GLOD4: variants seen among roughly 807,000 people sequenced by gnomAD.
The protein encoded by GLOD4 is glyoxalase domain-containing protein 4.
In GLOD4, 44 loss-of-function variants were observed where a neutral mutation model predicts 39.1. The observed-to-expected ratio is 1.13, with a 90% CI of 0.88 to 1.45. The LOEUF (loss-of-function observed/expected upper bound fraction) is 1.45, where lower values mean the gene tolerates loss of function less well. GLOD4 is among the 40% of genes most tolerant of loss of function. The pLI is 0.00. For synonymous variants in GLOD4, 145 were observed against 135.0 expected, an observed-to-expected ratio of 1.07 and a Z score of -0.52; for missense variants, 405 against 366.4, an observed-to-expected ratio of 1.11 and a Z score of -0.86.
chr17:778,685 G>C lies in GLOD4; in HGVS notation c.140+10C>G, dbSNP rs1304600234. 1.3e-6 allele frequency: 2 copies of C among 1,497,732 alleles called. No homozygotes were observed. The highest frequency in any genetic ancestry group is 1.4e-5 in the African/African-American group (1 of 72,772). 92.8% of individuals were successfully genotyped at this position (1,497,732 alleles called of 1,614,324 possible). ...GCCTAAAGGAGATTTTAAGAAACAA[G>C]GTATCATACCCATTACAGGCAGCTT... On this transcript the variant is annotated intron_variant, in intron 2 of 8. Transcript: ENST00000301329.
At position 771,384 on chromosome 17, in the gene GLOD4, T is replaced by G; in HGVS notation, c.484A>C (p.Lys162Gln). 3.1e-6 allele frequency: 5 copies of G among 1,597,852 alleles called. No homozygotes were observed. Among genetic ancestry groups the G allele is most frequent in the Non-Finnish European group, 4.3e-6 (5 of 1,166,544 alleles). ...TTTTCTTCATCTTTTTCATAAATTTTCATTCCCAGTAGATTACACCAGTAG... is the reference window on the plus strand; with the variant it reads ...TTTTCTTCATCTTTTTCATAAATTTGCATTCCCAGTAGATTACACCAGTAG... ...LNYWCNLLGM[K>Q]IYEKDEEKQR... is the part of the protein sequence containing the mutation. Residue 162 changes from lysine (K) to glutamine (Q), a missense_variant, in exon 5 of 9, where the codon AAA (lysine) becomes CAA (glutamine). By Grantham distance (53) the Lys-to-Gln change is moderately conservative. Coordinates refer to ENST00000301329, the MANE Select transcript of GLOD4 (RefSeq NM_016080.4).
chr17:777,091 C>A, intron 2 of GLOD4, 103 bp from the exon 3 acceptor site: 1 of 1,104,662 alleles, frequency 9.1e-7, no homozygotes, highest in Admixed American at 1.8e-5. Context: ...CCTGTCTGGT[C>A]CTAAAAGTTC....
rs150198646 is a variant in GLOD4 at position 781,553 on chromosome 17, C to T, written c.90+613G>A. Reference sequence around the variant, plus strand: ...AACCGCGCTCTTGCACCTTTCAAGTCTTCCTTAGTGGTGTGTTCCCTACCT... The same window carrying T: ...AACCGCGCTCTTGCACCTTTCAAGTTTTCCTTAGTGGTGTGTTCCCTACCT... On this transcript the variant is annotated intron_variant, in intron 1 of 8. Coordinates refer to ENST00000301329, the MANE Select transcript of GLOD4 (RefSeq NM_016080.4). Among the ~76,000 whole-genome samples the T allele has an allele frequency of 2.6e-3, 396 of 152,294 alleles. 1 individual carries two copies. Among genetic ancestry groups the T allele is most frequent in the African/African-American group, 9.0e-3 (375 of 41,562 alleles).
At chr17:782,967 C>A, upstream of GLOD4, 1 of 1,415,034 alleles carries the variant, frequency 7.1e-7, no homozygotes, top group South Asian at 1.4e-5. Flanking sequence ...GGATTACAGG[C>A]GTGAGCCACC....
In GLOD4 at chr17:782,278, C is replaced by T. The variant is rs759658342; in HGVS notation, c.-23G>A. ...CATGATTCCCGCCGCACGCAGCCGT[C>T]ACGCGCACCGTACAGCCCAGTCCAC... is the stretch of plus-strand genomic sequence containing the variant. On this transcript the variant is annotated 5_prime_UTR_variant, in exon 1 of 9. Coordinates refer to ENST00000301329, the MANE Select transcript of GLOD4 (RefSeq NM_016080.4). 1 of 1,612,740 alleles carries T rather than the reference C, an allele frequency of 6.2e-7. No homozygotes were observed. Among genetic ancestry groups the T allele is most frequent in the Non-Finnish European group, 8.5e-7 (1 of 1,179,280 alleles).
intron 1 of GLOD4, chr17:780,600 G>A (rs186599312): frequency 6.6e-6 from 1 of 151,900 alleles, no homozygotes; most frequent in Non-Finnish European, 1.5e-5. Context: ...AAAATTAGCC[G>A]GGTGTTGTGG....
intron 5 of GLOD4, 71 bp downstream of exon 5, chr17:771,254 T>G (rs1907900471): frequency 2.2e-6 from 2 of 914,182 alleles, no homozygotes; most frequent in Admixed American, 4.8e-5. Context: ...ATAAAGGTTA[T>G]AAGCCATTTA....
chr17:781,216 G>A (rs933448377), intron 1 of GLOD4, among the ~76,000 whole-genome samples: 3 of 152,090 alleles, frequency 2.0e-5, no homozygotes, highest in African/African-American at 7.2e-5. Context: ...CCACCGCGCC[G>A]GCACGTGTTT....
chr17:764,471 C>T (rs992933258), intron 8 of GLOD4: 2 of 152,172 alleles, frequency 1.3e-5, no homozygotes, highest in Non-Finnish European at 2.9e-5. Context: ...CTTTCTTATA[C>T]AGTAAAAGCA....
chr17:765,285 A>T (rs148961005), intron 8 of GLOD4: 25 of 150,906 alleles, frequency 1.7e-4, no homozygotes, highest in African/African-American at 6.0e-4. Flanking sequence ...TACCTAAATT[A>T]TGCCTCATCA....
intron 3 of GLOD4, among the ~76,000 whole-genome samples, chr17:776,330 G>A (rs1031312444): frequency 6.6e-6 from 1 of 152,204 alleles, no homozygotes; most frequent in Non-Finnish European, 1.5e-5. Flanking sequence ...AAAGTGCCTA[G>A]AAATGTACAC....
chr17:760,588 G>A (rs1326858171), intron 8 of GLOD4, among the ~76,000 whole-genome samples: 1 of 152,216 alleles, frequency 6.6e-6, no homozygotes, highest in African/African-American at 2.4e-5. Context: ...AGGATCTCTG[G>A]TAAAAGAGCA....
upstream of GLOD4, chr17:782,752 C>T: frequency 6.7e-7 from 1 of 1,503,274 alleles, no homozygotes; most frequent in South Asian, 1.3e-5. Flanking sequence ...CACAGCGGAA[C>T]CTTAACCTCC....
intron 8 of GLOD4, among the ~76,000 whole-genome samples, chr17:762,035 A>G (rs980641958): frequency 2.6e-5 from 4 of 152,196 alleles, no homozygotes; most frequent in African/African-American, 7.2e-5. Flanking sequence ...TCTCAGAGGC[A>G]AGAGAGAGCT....
At chr17:761,992 T>C (rs1354821604) in intron 8 of GLOD4, among the ~76,000 whole-genome samples, 2 of 152,184 alleles carry the variant, frequency 1.3e-5, no homozygotes, top group Non-Finnish European at 2.9e-5. Flanking sequence ...TGTCCAAAAA[T>C]GTCACATGCT....
chr17:768,897 AAACAGCGCGCAC>A (rs1437596291), intron 8 of GLOD4, among the ~76,000 whole-genome samples: 2 of 151,180 alleles, frequency 1.3e-5, no homozygotes, highest in Non-Finnish European at 2.9e-5. Context: ...TGAGAGAGAG[AAACAGCGCGCAC>A]TCAGATTTTT....
intron 1 of GLOD4, among the ~76,000 whole-genome samples, chr17:780,370 C>G (rs1236800823): frequency 6.6e-6 from 1 of 152,112 alleles, no homozygotes; most frequent in Non-Finnish European, 1.5e-5. Context: ...CAATGCCGAC[C>G]TGTCCATCCT....
Position 771,409 on chromosome 17 carries a change from G to T in GLOD4, c.459C>A (p.Asn153Lys). ...TCATTCCCAGTAGATTACACCAGTA[G>T]TTCAAGGACTTTTGAAGATCAGACA... is the stretch of plus-strand genomic sequence containing the variant. ...LAVSDLQKSL[N>K]YWCNLLGMKI... is the part of the protein sequence containing the mutation. The change falls in exon 5 of 9, where the codon AAC becomes AAA. Residue 153 changes from asparagine (N) to lysine (K), a missense_variant. Coordinates refer to ENST00000301329, the MANE Select transcript of GLOD4 (RefSeq NM_016080.4). 2 of 1,580,284 alleles carry T rather than the reference G, an allele frequency of 1.3e-6. No individual in the cohort carries two copies. The highest frequency in any genetic ancestry group is 1.3e-5 in the African/African-American group (1 of 74,258).
rs963518766 is a variant in GLOD4, at chr17:759,892, G to A, written c.*281C>T. The A allele has an allele frequency of 2.8e-5, 11 of 395,166 alleles. No homozygotes were observed. Among genetic ancestry groups the A allele is most frequent in the African/African-American group, 4.1e-5 (2 of 49,228 alleles). 24.5% of individuals were successfully genotyped at this position (395,166 alleles called of 1,614,324 possible). ...CATGTTCATGCCGCTGTCCTAGTCT[G>A]GACAATCATCTGTCACTCATCCAAC... On this transcript the variant is annotated 3_prime_UTR_variant, in exon 9 of 9. Coordinates refer to ENST00000301329, the MANE Select transcript of GLOD4 (RefSeq NM_016080.4).
Sources: gnomAD v4.1 joint callset for allele counts (sites outside exome capture counted in the v4.1 genomes callset) on GRCh38, gnomAD v4.1.1 for gene constraint, MANE v1.5 for transcripts, NCBI Gene and HGNC (gene_info 2026-07-23, HGNC 2026-07-21) for gene names.